Variants in RAB38 observed in about 807,000 individuals in gnomAD.
RAB38 encodes RAB38, member RAS oncogene family, also known as ras-related protein Rab-38.
In RAB38, 15 loss-of-function variants were observed where a neutral mutation model predicts 18.4. The observed-to-expected ratio is 0.82, with a 90% CI of 0.55 to 1.26. The LOEUF (loss-of-function observed/expected upper bound fraction) is 1.26, where lower values mean the gene tolerates loss of function less well. Ranked by LOEUF, RAB38 falls within the 50% of genes most tolerant of loss-of-function variation. RAB38 has a pLI of 0.00. For missense variants in RAB38, 294 were observed against 267.4 expected (o/e 1.10, Z -0.69); for synonymous variants, 101 against 104.4 (o/e 0.97, Z 0.20).
chr11:87,863,435 C>A, the RAB38 span, among the ~76,000 whole-genome samples: 2 of 151,774 alleles, frequency 1.3e-5, no homozygotes, highest in African/African-American at 4.8e-5. Flanking sequence ...TTGTGTCTCA[C>A]ACTTCACCAG....
the RAB38 span, among the ~76,000 whole-genome samples, chr11:87,960,703 T>C: frequency 6.6e-6 from 1 of 152,146 alleles, no homozygotes; most frequent in Non-Finnish European, 1.5e-5. Context: ...GAATAATAGC[T>C]CTTTGATATT....
the RAB38 span, among the ~76,000 whole-genome samples, chr11:88,042,434 G>C: frequency 6.6e-6 from 1 of 152,176 alleles, no homozygotes; most frequent in Non-Finnish European, 1.5e-5. Context: ...CATTATTCCT[G>C]TCTGACACTG....
chr11:88,171,280 A>C (rs904471473), intron 1 of RAB38, among the ~76,000 whole-genome samples: 4 of 152,226 alleles, frequency 2.6e-5, no homozygotes, highest in African/African-American at 9.6e-5. Flanking sequence ...TAAGTAACTC[A>C]CACAAGTCAC....
chr11:88,140,280 T>C (rs1437406578), intron 2 of RAB38, among the ~76,000 whole-genome samples: 1 of 152,056 alleles, frequency 6.6e-6, no homozygotes, highest in African/African-American at 2.4e-5. Flanking sequence ...ATGAAAGGAG[T>C]TACATAATGT....
chr11:87,970,689 G>C, the RAB38 span, among the ~76,000 whole-genome samples: 2 of 152,114 alleles, frequency 1.3e-5, 1 homozygote, highest in South Asian at 4.1e-4. Flanking sequence ...GGTAGTTGGA[G>C]AAGGGCGCTA....
At chr11:87,953,208 A>C in the RAB38 span, among the ~76,000 whole-genome samples, 1 of 152,196 alleles carries the variant, frequency 6.6e-6, no homozygotes, top group Non-Finnish European at 1.5e-5. Context: ...TGTGGAGCTT[A>C]CATTCTCTGG....
chr11:88,075,862 T>C, the RAB38 span, among the ~76,000 whole-genome samples: 1 of 145,796 alleles, frequency 6.9e-6, no homozygotes, highest in Non-Finnish European at 1.5e-5. Flanking sequence ...GCCTGAGTGA[T>C]AGAGCAAGAT....
At chr11:88,041,051 A>T in the RAB38 span, among the ~76,000 whole-genome samples, 1 of 152,188 alleles carries the variant, frequency 6.6e-6, no homozygotes, top group African/African-American at 2.4e-5. Context: ...ATTCCCATTC[A>T]TGTCTGTCCC....
intron 2 of RAB38, among the ~76,000 whole-genome samples, chr11:88,134,635 G>C (rs1047840800): frequency 6.6e-6 from 1 of 152,142 alleles, no homozygotes; most frequent in African/African-American, 2.4e-5. Flanking sequence ...AAATTGCTAG[G>C]AAATCCTGTG....
At chr11:87,934,769 A>G in the RAB38 span, among the ~76,000 whole-genome samples, 2 of 152,252 alleles carry the variant, frequency 1.3e-5, no homozygotes, top group African/African-American at 4.8e-5. Flanking sequence ...GAGGTATTTA[A>G]CAGAAAAAAA....
the RAB38 span, among the ~76,000 whole-genome samples, chr11:87,859,695 C>T: frequency 1.3e-5 from 2 of 151,970 alleles, no homozygotes; most frequent in Non-Finnish European, 2.9e-5. Flanking sequence ...TTGTAAAGTC[C>T]AGAGCTAGTT....
the RAB38 span, among the ~76,000 whole-genome samples, chr11:87,977,962 TAAG>T: frequency 3.5e-5 from 4 of 113,068 alleles, no homozygotes; most frequent in Admixed American, 2.2e-4. Flanking sequence ...AATATATAAA[TAAG>T]ATATATTATA....
chr11:88,162,935 C>G (rs1943204045), intron 1 of RAB38, among the ~76,000 whole-genome samples: 1 of 152,144 alleles, frequency 6.6e-6, no homozygotes, highest in African/African-American at 2.4e-5. Flanking sequence ...TCATCCTTCA[C>G]CTAACCAGAT....
the RAB38 span, among the ~76,000 whole-genome samples, chr11:87,964,092 G>T: frequency 6.6e-6 from 1 of 152,108 alleles, no homozygotes; most frequent in African/African-American, 2.4e-5. Context: ...AGAAATTATG[G>T]CTTGTATATC....
the RAB38 span, among the ~76,000 whole-genome samples, chr11:87,909,924 C>T: frequency 0.027 from 4,055 of 152,044 alleles, 92 homozygotes; most frequent in Non-Finnish European, 0.037. Context: ...TTAAATAACA[C>T]GGAGTGGAAT....
the RAB38 span, among the ~76,000 whole-genome samples, chr11:87,916,099 A>G: frequency 6.6e-6 from 1 of 152,054 alleles, no homozygotes; most frequent in Non-Finnish European, 1.5e-5. Flanking sequence ...AAGGAGCTTG[A>G]CCTGTCTCAG....
At chr11:88,173,948 T>C in intron 1 of RAB38, 1 of 985,442 alleles carries the variant, frequency 1.0e-6, no homozygotes, top group Non-Finnish European at 1.2e-6. Flanking sequence ...CAAGCCATGA[T>C]AAAGAGTTTC....
At chr11:88,046,347 T>C in the RAB38 span, among the ~76,000 whole-genome samples, 11 of 152,208 alleles carry the variant, frequency 7.2e-5, no homozygotes, top group African/African-American at 2.7e-4. Context: ...CCAAATTGTT[T>C]TCCCTATCCA....
the RAB38 span, among the ~76,000 whole-genome samples, chr11:87,809,175 C>T: frequency 6.6e-6 from 1 of 152,018 alleles, no homozygotes; most frequent in African/African-American, 2.4e-5. Flanking sequence ...AAAACATTGC[C>T]AGCTTGGATA....
Sources: allele counts gnomAD v4.1 joint callset (sites outside exome capture counted in the v4.1 genomes callset), GRCh38; gene constraint gnomAD v4.1.1; transcripts MANE v1.5; gene names NCBI Gene and HGNC (gene_info 2026-07-23, HGNC 2026-07-21).